RXRA: variants seen among roughly 807,000 people sequenced by gnomAD.
The protein encoded by RXRA is retinoic acid receptor RXR-alpha.
RXRA carries 5 observed loss-of-function variants against 44.5 expected under a neutral mutation model. That is an observed-to-expected ratio of 0.11 (90% CI 0.06 to 0.24). The LOEUF is 0.24. RXRA is among the 10% of genes least tolerant of loss of function. The pLI is 1.00. For missense variants in RXRA, 412 were observed against 646.5 expected (o/e 0.64, Z 3.93); for synonymous variants, 291 against 271.4 (o/e 1.07, Z -0.71).
chr9:134,360,137 C>T (rs571214064), intron 1 of RXRA, among the ~76,000 whole-genome samples: 20 of 152,288 alleles, frequency 1.3e-4, no homozygotes, highest in African/African-American at 4.6e-4. Context: ...AAGGCCCCCG[C>T]GATTGCTCTG....
intron 1 of RXRA, among the ~76,000 whole-genome samples, chr9:134,350,686 C>T (rs140781383): frequency 1.3e-5 from 2 of 152,344 alleles, no homozygotes; most frequent in East Asian, 1.9e-4. Flanking sequence ...ACGGAGAAGC[C>T]AGCCTCCCCC....
rs1331033087 is a variant in RXRA, at chr9:134,426,021, G to T, written c.911-3087G>T. On this transcript the variant is annotated intron_variant, in intron 6 of 9. Coordinates refer to ENST00000481739, the MANE Select transcript of RXRA (RefSeq NM_002957.6). The surrounding 1 kb of genome is among the most constrained non-coding windows in gnomAD (Gnocchi z 4.6). The stretch of plus-strand genomic sequence containing the variant: ...TTCCTTCCGGAAGCGCTGTCCAGGG[G>T]TCCTGCAACCCCAGCAGAGGCCCTG... The T allele has an allele frequency of 3.0e-6, 3 of 985,128 alleles. No individual in the cohort carries two copies. Among genetic ancestry groups the T allele is most frequent in the Non-Finnish European group, 3.6e-6 (3 of 829,848 alleles). The allele number at this position is 985,128 out of a possible 1,614,324, so 61.0% of individuals were successfully genotyped here.
intron 2 of RXRA, chr9:134,405,575 G>T (rs1831036894): frequency 6.6e-6 from 1 of 152,326 alleles, no homozygotes; most frequent in Non-Finnish European, 1.5e-5. Context: ...CAGGTGCTAG[G>T]CCCAAGGGAC....
At chr9:134,370,313 G>T (rs1284591849) in intron 1 of RXRA, among the ~76,000 whole-genome samples, 1 of 152,214 alleles carries the variant, frequency 6.6e-6, no homozygotes, top group African/African-American at 2.4e-5. Context: ...CGCTGAGCTT[G>T]GCAGGGCTCT....
At chr9:134,409,261 C>T (rs113643485) in intron 4 of RXRA, 142 bp downstream of exon 4, 90 of 819,962 alleles carry the variant, frequency 1.1e-4, no homozygotes, top group Non-Finnish European at 1.3e-4. Flanking sequence ...GGAGTGGGGG[C>T]GGGGCCCAGC....
At chr9:134,427,157 C>T in intron 6 of RXRA, 1 of 980,138 alleles carries the variant, frequency 1.0e-6, no homozygotes, top group Non-Finnish European at 1.2e-6. Flanking sequence ...ACAGATGTTT[C>T]ATTGGGCAAA....
At chr9:134,423,423 T>G (rs1487278366) in intron 6 of RXRA, 3 of 985,284 alleles carry the variant, frequency 3.0e-6, no homozygotes, top group Non-Finnish European at 3.6e-6. Context: ...AAGTGGCAAG[T>G]GGAGAAGACA....
chr9:134,425,169 G>A, intron 6 of RXRA: 2 of 985,418 alleles, frequency 2.0e-6, no homozygotes, highest in African/African-American at 1.7e-5. Flanking sequence ...CCCTGCAGGG[G>A]CCCAGAAACT....
intron 1 of RXRA, among the ~76,000 whole-genome samples, chr9:134,352,298 T>C (rs1480888041): frequency 2.0e-5 from 3 of 150,828 alleles, no homozygotes; most frequent in Admixed American, 2.0e-4. Context: ...AGCAGGGAGG[T>C]GGTGTCTGGC....
chr9:134,338,062 G>T (rs933015738), intron 1 of RXRA, among the ~76,000 whole-genome samples: 1 of 152,212 alleles, frequency 6.6e-6, no homozygotes, highest in Non-Finnish European at 1.5e-5. Flanking sequence ...GGAGATGGGC[G>T]GTCAGCGGCA....
At chr9:134,403,313 C>G (rs757312140) in intron 2 of RXRA, 1 of 152,292 alleles carries the variant, frequency 6.6e-6, no homozygotes, top group South Asian at 2.1e-4. Context: ...GCCTCTGCTC[C>G]GTGTCCCCCT....
At position 134,429,052 on chromosome 9, in the gene RXRA, G is replaced by T; in HGVS notation, c.911-56G>T. The T allele has an allele frequency of 4.4e-6, 7 of 1,599,910 alleles. No homozygotes were observed. In the South Asian group the frequency reaches 7.8e-5, roughly 18 times the overall value. On this transcript the variant is annotated intron_variant, in intron 6 of 9. Transcript: ENST00000481739. ...TAGGGTCCCACCAGGGGCTGGGGAA[G>T]GGGCGAGCCCCGTGGGGCCTGGAGA...
intron 1 of RXRA, among the ~76,000 whole-genome samples, chr9:134,398,382 C>G (rs548000809): frequency 1.6e-4 from 17 of 104,034 alleles, no homozygotes; most frequent in Non-Finnish European, 3.5e-4. Flanking sequence ...CACACGGGGC[C>G]CTTTGCTGTG....
chr9:134,408,378 A>C, intron 3 of RXRA, 79 bp downstream of exon 3: 1 of 1,426,864 alleles, frequency 7.0e-7, no homozygotes, highest in Non-Finnish European at 9.4e-7. Flanking sequence ...TCCCCAAATC[A>C]CCCTCCTGTG....
intron 1 of RXRA, among the ~76,000 whole-genome samples, chr9:134,357,088 C>T (rs1411656056): frequency 1.3e-5 from 2 of 152,136 alleles, no homozygotes; most frequent in East Asian, 3.9e-4. Flanking sequence ...CCCAAACCCA[C>T]CCAGCCCACA....
At chr9:134,411,888 C>T (rs1289976034) in intron 4 of RXRA, among the ~76,000 whole-genome samples, 3 of 152,174 alleles carry the variant, frequency 2.0e-5, no homozygotes, top group African/African-American at 7.2e-5. Flanking sequence ...ACAGCCAGGC[C>T]TGTGGAGCTC....
chr9:134,388,792 G>C (rs1830758195), intron 1 of RXRA, among the ~76,000 whole-genome samples: 1 of 152,212 alleles, frequency 6.6e-6, no homozygotes, highest in African/African-American at 2.4e-5. Flanking sequence ...CTCCTTGTGA[G>C]CCAGGTGACA....
chr9:134,354,128 G>C (rs575632029), intron 1 of RXRA, among the ~76,000 whole-genome samples: 2 of 152,154 alleles, frequency 1.3e-5, no homozygotes. Flanking sequence ...CTCTTCTGAC[G>C]GATGGGATGG....
chr9:134,427,183 AAG>A (rs199952148), intron 6 of RXRA: 59,762 of 970,836 alleles, frequency 0.062, 381 homozygotes, highest in Non-Finnish European at 0.067. Flanking sequence ...AAAAAAAAAA[AAG>A]AGGGTTCTGT....
Sources: allele counts gnomAD v4.1 joint callset (sites outside exome capture counted in the v4.1 genomes callset), GRCh38; gene constraint gnomAD v4.1.1; non-coding constraint Gnocchi (gnomAD v3.1); transcripts MANE v1.5; gene names NCBI Gene and HGNC (gene_info 2026-07-23, HGNC 2026-07-21).